PCLO: variants seen among roughly 807,000 people sequenced by gnomAD.
PCLO encodes protein piccolo.
A neutral mutation model predicts 427.5 loss-of-function variants in PCLO; 82 were observed. That is an observed-to-expected ratio of 0.19 (90% confidence interval 0.16 to 0.23). The LOEUF is 0.23. PCLO is among the 10% of genes least tolerant of loss of function. The pLI, the probability that PCLO is intolerant of heterozygous loss-of-function variation, is 1.00. For synonymous variants in PCLO, 2,357 were observed against 2,155.4 expected (o/e 1.09, Z -2.59); for missense variants, 6,239 against 6,115.9 (o/e 1.02, Z -0.67).
chr7:83,047,609 T>C (rs928930843), intron 3 of PCLO, among the ~76,000 whole-genome samples: 2 of 152,046 alleles, frequency 1.3e-5, no homozygotes, highest in African/African-American at 4.8e-5. Flanking sequence ...CTTTACAATC[T>C]TGACATTGTT....
intron 9 of PCLO, among the ~76,000 whole-genome samples, chr7:82,884,919 T>C (rs1793595287): frequency 6.6e-6 from 1 of 152,148 alleles, no homozygotes; most frequent in South Asian, 2.1e-4. Flanking sequence ...TAAATGTCAG[T>C]TTTCCTTATA....
intron 22 of PCLO, among the ~76,000 whole-genome samples, chr7:82,765,927 A>C (rs1191252255): frequency 1.3e-5 from 2 of 152,102 alleles, no homozygotes; most frequent in Non-Finnish European, 2.9e-5. Context: ...GGAAAGTGGT[A>C]ACCAGTACCA....
intron 3 of PCLO, among the ~76,000 whole-genome samples, chr7:82,969,249 T>G (rs954488362): frequency 7.2e-5 from 11 of 152,150 alleles, no homozygotes; most frequent in Admixed American, 6.5e-5. Context: ...ATGTAATCTA[T>G]TTTGTCACAT....
Position 82,953,216 on chromosome 7 carries a change from A to C in PCLO, c.7737T>G (p.Thr2579=), listed in dbSNP as rs2116438670. 6.2e-7 allele frequency: 1 copy of C among 1,613,966 alleles called. No homozygotes were observed. The highest frequency in any genetic ancestry group is 8.5e-7 in the Non-Finnish European group (1 of 1,179,864). The change falls in exon 5 of 25, where the codon ACT becomes ACG. Residue 2579 remains threonine (T), a synonymous_variant. Transcript: ENST00000333891. ...CAGATGGCAATGTAATAACTACATA[A>C]GTTTCTGTGAGGGATTTGGAAAATC... ...SPRFSKSLTE[T]YVVITLPSEP...
chr7:82,967,877 G>C (rs763495160), intron 3 of PCLO, among the ~76,000 whole-genome samples: 3 of 152,184 alleles, frequency 2.0e-5, no homozygotes, highest in African/African-American at 4.8e-5. Context: ...CACAGGGTTA[G>C]AGTGTCATAC....
chr7:82,788,385 T>C (rs1791030268), intron 22 of PCLO, among the ~76,000 whole-genome samples: 1 of 151,552 alleles, frequency 6.6e-6, no homozygotes, highest in Non-Finnish European at 1.5e-5. Context: ...CTCAGTTAAC[T>C]GCCTTACTCT....
At chr7:82,884,874 T>C (rs377394023) in intron 9 of PCLO, among the ~76,000 whole-genome samples, 2 of 152,310 alleles carry the variant, frequency 1.3e-5, no homozygotes. Context: ...GGTGTAAACT[T>C]ACATTAGTGT....
rs1422163818 is a variant in PCLO at position 83,022,158 on chromosome 7, T to C, written c.3301-55671A>G. Among the ~76,000 whole-genome samples, 3 of 152,010 alleles carry C rather than the reference T, an allele frequency of 2.0e-5. No individual in the cohort carries two copies. In the East Asian group the frequency reaches 5.8e-4, roughly 29 times the overall value. ...CCATATGAAAGAGGCCTGAAGGAGC[T>C]TGTTGGTCTCCTCCCCCATGAAAGG... On this transcript the variant is annotated intron_variant, in intron 3 of 24. Transcript: ENST00000333891.
chr7:83,014,369 A>G (rs1049370657), intron 3 of PCLO, among the ~76,000 whole-genome samples: 4 of 152,148 alleles, frequency 2.6e-5, no homozygotes, highest in Non-Finnish European at 4.4e-5. Flanking sequence ...GTATATATGT[A>G]ATGAATAAAG....
At chr7:82,850,601 A>G (rs913489443) in intron 10 of PCLO, among the ~76,000 whole-genome samples, 1 of 152,138 alleles carries the variant, frequency 6.6e-6, no homozygotes, top group African/African-American at 2.4e-5. Context: ...ATTTACCATC[A>G]CATTAAAAAC....
chr7:82,956,198 A>C lies in PCLO; in HGVS notation c.4755T>G (p.Ile1585Met). ...DEFIRNQLKE[I>M]SSSTESQKKE... ...TCTTCTGGCTCTCAGTACTGCTACT[A>C]ATCTCTTTGAGCTGGTTTCTGATGA... The change falls in exon 5 of 25, where the codon ATT becomes ATG. Residue 1585 changes from isoleucine to methionine, a missense_variant. By Grantham distance (10) the Ile-to-Met change is conservative. Coordinates refer to ENST00000333891, the MANE Select transcript of PCLO (RefSeq NM_033026.6). 1 of 1,609,968 alleles carries C rather than the reference A, an allele frequency of 6.2e-7. No individual in the cohort carries two copies. Among genetic ancestry groups the C allele is most frequent in the Admixed American group, 1.7e-5 (1 of 60,008 alleles).
At chr7:83,124,946 C>A (rs942460646) in intron 3 of PCLO, among the ~76,000 whole-genome samples, 1 of 152,126 alleles carries the variant, frequency 6.6e-6, no homozygotes, top group East Asian at 1.9e-4. Context: ...GGTGGAGACG[C>A]GGTTTCGCCG....
chr7:83,047,243 A>G (rs1240673634), intron 3 of PCLO, among the ~76,000 whole-genome samples: 1 of 152,036 alleles, frequency 6.6e-6, no homozygotes, highest in African/African-American at 2.4e-5. Flanking sequence ...TTTAGCATCA[A>G]AGTACTTATG....
At chr7:83,071,493 A>G (rs774021196) in intron 3 of PCLO, among the ~76,000 whole-genome samples, 11 of 152,208 alleles carry the variant, frequency 7.2e-5, no homozygotes, top group Non-Finnish European at 1.3e-4. Flanking sequence ...TCACTCTTCA[A>G]GTAATAAAAC....
intron 22 of PCLO, among the ~76,000 whole-genome samples, chr7:82,770,243 C>T (rs1790620820): frequency 6.6e-6 from 1 of 150,450 alleles, no homozygotes; most frequent in Non-Finnish European, 1.5e-5. Flanking sequence ...TCCATATTCC[C>T]TTATTCTTTT....
chr7:82,950,863 A>T lies in PCLO; in HGVS notation c.9725T>A (p.Ile3242Asn). Residue 3242 changes from isoleucine to asparagine, a missense_variant, in exon 6 of 25, where the codon ATT becomes AAT. By Grantham distance (149) the Ile-to-Asn change is moderately radical (BLOSUM62 -3). This residue lies in a region of PCLO where 4,677 missense variants were observed against 4,468.4 expected (regional missense o/e 1.05). Transcript: ENST00000333891. Reference sequence around the variant, plus strand: ...CTTTTCTTGTTCTCGGAACCTTTGAATTTCCTGACGTTCCCACTCCAATTC... The same window carrying T: ...CTTTTCTTGTTCTCGGAACCTTTGATTTTCCTGACGTTCCCACTCCAATTC... ...AEELEWERQEIQRFREQEKIM... is the reference protein window; with the variant it reads ...AEELEWERQENQRFREQEKIM... 6.2e-7 allele frequency: 1 copy of T among 1,613,480 alleles called. No individual in the cohort carries two copies. Among genetic ancestry groups the T allele is most frequent in the Non-Finnish European group, 8.5e-7 (1 of 1,179,842 alleles).
In PCLO at chr7:82,769,310, A is replaced by G. The variant is rs1026724920; in HGVS notation, c.15008-7817T>C. Among the ~76,000 whole-genome samples the G allele has an allele frequency of 5.9e-5, 9 of 152,306 alleles. No individual in the cohort carries two copies. The East Asian group carries it at 1.5e-3, about 26-fold the overall frequency. The stretch of plus-strand genomic sequence containing the variant: ...ATGTCTTCCAGAAGTTATTGTCTAC[A>G]TAGGCACATAGGTCAATTATGAAAA... On this transcript the variant is annotated intron_variant, in intron 22 of 24. Transcript: ENST00000333891.
chr7:82,831,906 G>C (rs1792102530), intron 16 of PCLO, among the ~76,000 whole-genome samples: 1 of 152,082 alleles, frequency 6.6e-6, no homozygotes, highest in South Asian at 2.1e-4. Flanking sequence ...GAACTGTGTT[G>C]CCACCTAACA....
At chr7:82,889,932 GAAGTA>G (rs1026139119) in intron 9 of PCLO, among the ~76,000 whole-genome samples, 16 of 151,922 alleles carry the variant, frequency 1.1e-4, no homozygotes, top group South Asian at 4.1e-4. Context: ...AAAAACGCAA[GAAGTA>G]AAGGAAAAAA....
Sources: gnomAD v4.1 joint callset for allele counts (sites outside exome capture counted in the v4.1 genomes callset) on GRCh38, gnomAD v4.1.1 for gene constraint, gnomAD v4.1.1 regional missense constraint, MANE v1.5 for transcripts, NCBI Gene and HGNC (gene_info 2026-07-23, HGNC 2026-07-21) for gene names.